DLGAP2: variants seen among roughly 807,000 people sequenced by gnomAD.
DLGAP2 encodes DLG associated protein 2, also known as disks large-associated protein 2.
DLGAP2 carries 26 observed loss-of-function variants against 100.3 expected under a neutral mutation model. That is an observed-to-expected ratio of 0.26 (90% confidence interval 0.19 to 0.36). DLGAP2 has a LOEUF of 0.36. Ranked by LOEUF, DLGAP2 falls within the 10% of genes least tolerant of loss-of-function variation. The probability of loss-of-function intolerance (pLI) is 1.00; values close to 1 mark genes in which losing one functional copy is unlikely to be tolerated. For synonymous variants in DLGAP2, 886 were observed against 630.1 expected (o/e 1.41, Z -6.08); for missense variants, 1,858 against 1,453.2 (o/e 1.28, Z -4.53).
chr8:1,364,842 C>T lies in DLGAP2; in HGVS notation c.106+105959C>T, dbSNP rs112708912. Among the ~76,000 whole-genome samples the T allele has an allele frequency of 2.6e-3, 391 of 152,276 alleles. 5 individuals carry two copies. Among genetic ancestry groups the T allele is most frequent in the African/African-American group, 9.1e-3 (377 of 41,564 alleles). On this transcript the variant is annotated intron_variant, in intron 3 of 14. Transcript: ENST00000637795. Reference sequence around the variant, plus strand: ...AGTTGGGGAGGCTCCCAGGGCTTTGCGTTTGCTGATCAGCCTTTTCCAGAG... The same window carrying T: ...AGTTGGGGAGGCTCCCAGGGCTTTGTGTTTGCTGATCAGCCTTTTCCAGAG...
chr8:771,065 T>C (rs777309658), intron 1 of DLGAP2, among the ~76,000 whole-genome samples: 3 of 152,144 alleles, frequency 2.0e-5, no homozygotes, highest in Non-Finnish European at 2.9e-5. Context: ...CATTTCTCCA[T>C]TTCGTGAAGT....
At chr8:1,142,114 T>C (rs1796531849) in intron 2 of DLGAP2, among the ~76,000 whole-genome samples, 1 of 151,974 alleles carries the variant, frequency 6.6e-6, no homozygotes, top group Non-Finnish European at 1.5e-5. Flanking sequence ...TAGACAATCG[T>C]TTTTCCTAAG....
At chr8:1,482,101 G>A (rs373928530) in intron 3 of DLGAP2, among the ~76,000 whole-genome samples, 6 of 152,244 alleles carry the variant, frequency 3.9e-5, no homozygotes, top group African/African-American at 9.6e-5. Context: ...CCAAGTGGCT[G>A]TGTGACATCT....
chr8:1,038,947 T>C (rs969418810), intron 2 of DLGAP2, among the ~76,000 whole-genome samples: 1 of 152,234 alleles, frequency 6.6e-6, no homozygotes, highest in Non-Finnish European at 1.5e-5. Flanking sequence ...CTTTCGTGTC[T>C]CTCCAAGTTG....
intron 2 of DLGAP2, among the ~76,000 whole-genome samples, chr8:968,273 G>C (rs1225969468): frequency 6.6e-6 from 1 of 152,106 alleles, no homozygotes; most frequent in Non-Finnish European, 1.5e-5. Context: ...CAACCCCCCA[G>C]CTGGTGCTTT....
intron 3 of DLGAP2, among the ~76,000 whole-genome samples, chr8:1,457,287 G>A (rs751012525): frequency 4.6e-5 from 7 of 152,122 alleles, no homozygotes; most frequent in African/African-American, 9.7e-5. Flanking sequence ...CGACGTGTTC[G>A]ATGGCTGGCA....
chr8:1,564,968 T>C (rs1426782871), intron 5 of DLGAP2, among the ~76,000 whole-genome samples: 2 of 152,190 alleles, frequency 1.3e-5, no homozygotes, highest in Non-Finnish European at 2.9e-5. Context: ...TCATGGTTGC[T>C]CAGGTCTGCA....
chr8:1,537,794 G>T lies in DLGAP2; in HGVS notation c.173-10832G>T, dbSNP rs79034796. Reference sequence around the variant, plus strand: ...GGAAGGAAGGAAGGAAGGACAAATGGATAAATGGATGGATGGAGTAAATGT... The same window carrying T: ...GGAAGGAAGGAAGGAAGGACAAATGTATAAATGGATGGATGGAGTAAATGT... On this transcript the variant is annotated intron_variant, in intron 4 of 14. Transcript: ENST00000637795. 1.7e-3 allele frequency among the ~76,000 whole-genome samples: 265 copies of T among 151,868 alleles called. 7 individuals are homozygous for T. The East Asian group carries it at 0.045, about 26-fold the overall frequency.
chr8:1,241,110 G>A (rs76183514), intron 2 of DLGAP2, among the ~76,000 whole-genome samples: 14 of 70,328 alleles, frequency 2.0e-4, no homozygotes, highest in East Asian at 4.6e-4. Flanking sequence ...CGCCGTGTCT[G>A]GTTCTCTCGC....
intron 3 of DLGAP2, among the ~76,000 whole-genome samples, chr8:1,323,476 A>C (rs1800952266): frequency 6.6e-6 from 1 of 152,184 alleles, no homozygotes; most frequent in African/African-American, 2.4e-5. Context: ...TCTTCCTCCC[A>C]CCCCACACTG....
At chr8:833,759 G>A (rs932732354) in intron 1 of DLGAP2, among the ~76,000 whole-genome samples, 1 of 152,172 alleles carries the variant, frequency 6.6e-6, no homozygotes, top group African/African-American at 2.4e-5. Context: ...TTATTTAAAT[G>A]TATGCATACC....
intron 3 of DLGAP2, chr8:1,300,863 T>C (rs999699306): frequency 2.6e-5 from 4 of 152,214 alleles, no homozygotes; most frequent in African/African-American, 9.7e-5. Flanking sequence ...CCTTGTCTTA[T>C]TATCTAAGCA....
chr8:821,473 A>T (rs572272934), intron 1 of DLGAP2, among the ~76,000 whole-genome samples: 1 of 152,354 alleles, frequency 6.6e-6, no homozygotes, highest in East Asian at 1.9e-4. Flanking sequence ...TAATAATTTC[A>T]TGCATTAGTA....
intron 8 of DLGAP2, among the ~76,000 whole-genome samples, chr8:1,663,306 A>G (rs1033062442): frequency 1.6e-4 from 24 of 152,024 alleles, no homozygotes; most frequent in African/African-American, 5.6e-4. Flanking sequence ...GGGTGGTGGC[A>G]AGTTTGCAGC....
intron 3 of DLGAP2, among the ~76,000 whole-genome samples, chr8:1,458,004 A>ATATATATG (rs1798367034): frequency 1.1e-5 from 1 of 94,594 alleles, no homozygotes; most frequent in Non-Finnish European, 2.2e-5. Flanking sequence ...ATATATATAT[A>ATATATATG]TATATATATA....
intron 2 of DLGAP2, among the ~76,000 whole-genome samples, chr8:1,232,823 T>A (rs888681896): frequency 1.3e-5 from 2 of 152,156 alleles, no homozygotes; most frequent in Non-Finnish European, 2.9e-5. Context: ...AGGTTTAGCT[T>A]TTTGAAGTGT....
intron 1 of DLGAP2, among the ~76,000 whole-genome samples, chr8:839,073 A>C (rs1796934559): frequency 6.6e-6 from 1 of 152,206 alleles, no homozygotes; most frequent in African/African-American, 2.4e-5. Context: ...GTTACTGAAA[A>C]CCAAAAGAAA....
chr8:1,175,164 GA>G (rs747181582), intron 2 of DLGAP2, among the ~76,000 whole-genome samples: 20 of 152,048 alleles, frequency 1.3e-4, no homozygotes, highest in Non-Finnish European at 2.2e-4. Context: ...AAATTTATCT[GA>G]TGACATTTCT....
intron 3 of DLGAP2, among the ~76,000 whole-genome samples, chr8:1,330,841 A>G (rs1269114864): frequency 6.8e-5 from 9 of 132,532 alleles, no homozygotes; most frequent in Middle Eastern, 5.1e-3. Flanking sequence ...GGGTGGGAGC[A>G]CAGCTTCACA....
Sources: gnomAD v4.1 joint callset for allele counts (sites outside exome capture counted in the v4.1 genomes callset) on GRCh38, gnomAD v4.1.1 for gene constraint, MANE v1.5 for transcripts, NCBI Gene and HGNC (gene_info 2026-07-23, HGNC 2026-07-21) for gene names.